GALNT16: variants seen among roughly 807,000 people sequenced by gnomAD.
GALNT16 encodes the protein UDP-GalNAc:polypeptide N-acetylgalactosaminyltransferase-like protein 1.
Under a neutral mutation model 76.1 loss-of-function variants are expected in GALNT16, and 40 were observed. The ratio of observed to expected loss-of-function variants is 0.53; its 90% confidence interval spans 0.41 to 0.68. The LOEUF is 0.68. GALNT16 is among the 30% of genes least tolerant of loss of function. The pLI is 0.00. For synonymous variants in GALNT16, 276 were observed against 285.2 expected (o/e 0.97, Z 0.32); for missense variants, 621 against 731.9 (o/e 0.85, Z 1.75).
Position 69,307,940 on chromosome 14 carries a change from A to C in GALNT16, c.178-12771A>C, listed in dbSNP as rs1425020887. ...ACTGTTAGGCTTGTGCTTTGGGGAG[A>C]AATCAGGCAAAGTCAAGTTGGGTTG... On this transcript the variant is annotated intron_variant, in intron 1 of 14. Transcript: ENST00000448469. Among the ~76,000 whole-genome samples the C allele has an allele frequency of 2.0e-5, 3 of 151,552 alleles. 1 individual carries two copies. Among genetic ancestry groups the C allele is most frequent in the African/African-American group, 7.3e-5 (3 of 41,218 alleles).
At chr14:69,321,383 C>T (rs187015810) in intron 2 of GALNT16, among the ~76,000 whole-genome samples, 1 of 152,176 alleles carries the variant, frequency 6.6e-6, no homozygotes, top group Admixed American at 6.5e-5. Context: ...ACCAAGGAAG[C>T]CTCCACTCTC....
intron 1 of GALNT16, among the ~76,000 whole-genome samples, chr14:69,313,318 C>T (rs2045054254): frequency 6.6e-6 from 1 of 152,360 alleles, no homozygotes; most frequent in African/African-American, 2.4e-5. Context: ...CTGGCATGGA[C>T]CAGCCTCACA....
chr14:69,361,876 G>A (rs1367253062), downstream of GALNT16, among the ~76,000 whole-genome samples: 6 of 152,116 alleles, frequency 3.9e-5, no homozygotes, highest in African/African-American at 9.7e-5. Flanking sequence ...GTGTGGTGGC[G>A]CATGCCTATA....
chr14:69,291,677 G>A (rs1172919131), intron 1 of GALNT16, among the ~76,000 whole-genome samples: 1 of 152,188 alleles, frequency 6.6e-6, no homozygotes, highest in Admixed American at 6.5e-5. Flanking sequence ...GCCTCTGCCA[G>A]GAAGGCTCAA....
At chr14:69,268,730 G>A (rs1168429158) in intron 1 of GALNT16, among the ~76,000 whole-genome samples, 1 of 152,226 alleles carries the variant, frequency 6.6e-6, no homozygotes. Context: ...TACTATGAAA[G>A]TAAAGCAGCA....
At chr14:69,267,461 T>C (rs1359463533) in intron 1 of GALNT16, among the ~76,000 whole-genome samples, 1 of 152,146 alleles carries the variant, frequency 6.6e-6, no homozygotes, top group African/African-American at 2.4e-5. Flanking sequence ...AACTTCACGT[T>C]TCGCTGAAGA....
intron 14 of GALNT16, chr14:69,348,264 C>T (rs2045592746): frequency 8.5e-6 from 5 of 588,074 alleles, no homozygotes; most frequent in Non-Finnish European, 1.5e-5. Context: ...GTCTTGTTAA[C>T]ACTGTATCCC....
chr14:69,357,823 C>T (rs373238429), downstream of GALNT16: 1 of 152,390 alleles, frequency 6.6e-6, no homozygotes, highest in East Asian at 1.9e-4. Flanking sequence ...GACGGGGAGG[C>T]TTAGAATTCC....
At chr14:69,331,609 G>T in intron 7 of GALNT16, 58 bp downstream of exon 7, 1 of 992,562 alleles carries the variant, frequency 1.0e-6, no homozygotes. Flanking sequence ...GTGAGGCTAG[G>T]CAGGCAAAAA....
chr14:69,278,917 C>T (rs923601821), intron 1 of GALNT16, among the ~76,000 whole-genome samples: 2 of 150,996 alleles, frequency 1.3e-5, no homozygotes, highest in Admixed American at 6.6e-5. Context: ...AGAGCCAGAT[C>T]CTGTCTTTAC....
chr14:69,346,052 T>G (rs955490167), intron 12 of GALNT16, among the ~76,000 whole-genome samples: 1 of 147,708 alleles, frequency 6.8e-6, no homozygotes, highest in Non-Finnish European at 1.5e-5. Context: ...TGTGCCTGGA[T>G]AATTTTTTTT....
intron 1 of GALNT16, among the ~76,000 whole-genome samples, chr14:69,278,789 C>A (rs994012170): frequency 6.6e-6 from 1 of 152,180 alleles, no homozygotes; most frequent in Non-Finnish European, 1.5e-5. Context: ...TTGCACATAG[C>A]ATTGATTAAT....
chr14:69,275,612 T>G (rs945664613), intron 1 of GALNT16, among the ~76,000 whole-genome samples: 4 of 152,224 alleles, frequency 2.6e-5, no homozygotes, highest in African/African-American at 9.6e-5. Context: ...ATCCCAGCAC[T>G]TGGGGAGACT....
intron 13 of GALNT16, 95 bp downstream of exon 13, chr14:69,347,276 G>T: frequency 7.8e-7 from 1 of 1,286,760 alleles, no homozygotes. Flanking sequence ...CTCCTCCTCT[G>T]TCTACATCTT....
At chr14:69,309,481 T>C (rs1287423344) in intron 1 of GALNT16, among the ~76,000 whole-genome samples, 1 of 152,080 alleles carries the variant, frequency 6.6e-6, no homozygotes, top group Admixed American at 6.5e-5. Context: ...TTTATTATTT[T>C]TTTGTGTGTT....
In GALNT16 at chr14:69,347,996, C is replaced by T; in HGVS notation, c.1533C>T (p.Gly511=). Residue 511 remains glycine (G), a synonymous_variant, in exon 14 of 15, where the codon GGC becomes GGT. Transcript: ENST00000448469. ...TGCAGATGTGCAACCCTAGAGAAGG[C>T]AAGCAGGTGAGTCTCCTTGCCTCTG... is the stretch of plus-strand genomic sequence containing the variant. ...VILQMCNPRE[G]KQKWRRKGSF... 6.2e-7 allele frequency: 1 copy of T among 1,614,054 alleles called. No individual in the cohort carries two copies. Among genetic ancestry groups the T allele is most frequent in the Non-Finnish European group, 8.5e-7 (1 of 1,179,990 alleles).
Position 69,280,714 on chromosome 14 carries a change from T to C in GALNT16, c.177+20247T>C, listed in dbSNP as rs150244750. ...TATACAATGAACATTGTTGCCTGGA[T>C]GAGGCCCATGGAGGTTGAGTCACTT... On this transcript the variant is annotated intron_variant, in intron 1 of 14. Coordinates refer to ENST00000448469, the MANE Select transcript of GALNT16 (RefSeq NM_001168368.2). 7.7e-4 allele frequency among the ~76,000 whole-genome samples: 118 copies of C among 152,258 alleles called. 1 individual carries two copies. The East Asian group carries it at 0.023, about 29-fold the overall frequency.
chr14:69,296,728 T>TGATAGATAGATA (rs141440096), intron 1 of GALNT16, among the ~76,000 whole-genome samples: 193 of 142,056 alleles, frequency 1.4e-3, no homozygotes, highest in Middle Eastern at 3.6e-3. Context: ...GACAGATAGA[T>TGATAGATAGATA]GATAGATAGA....
chr14:69,371,996 C>T, the GALNT16 span, among the ~76,000 whole-genome samples: 1 of 152,104 alleles, frequency 6.6e-6, no homozygotes, highest in Admixed American at 6.6e-5. Flanking sequence ...TCACCTGGCT[C>T]TACACTTACC....
Sources: gnomAD v4.1 joint callset for allele counts (sites outside exome capture counted in the v4.1 genomes callset) on GRCh38, gnomAD v4.1.1 for gene constraint, MANE v1.5 for transcripts, NCBI Gene and HGNC (gene_info 2026-07-23, HGNC 2026-07-21) for gene names.